The following ELMO1 variants were observed in gnomAD, a reference collection of about 807,000 sequenced individuals.
The protein encoded by ELMO1 is engulfment and cell motility protein 1.
A neutral mutation model predicts 98.9 loss-of-function variants in ELMO1; 26 were observed. The observed-to-expected ratio is 0.26, with a 90% confidence interval of 0.19 to 0.36. The LOEUF is 0.36. ELMO1 is among the 10% of genes least tolerant of loss of function. The pLI, the probability that ELMO1 is intolerant of heterozygous loss-of-function variation, is 1.00. For synonymous variants in ELMO1, 346 were observed against 346.0 expected (o/e 1.00, Z 0.00); for missense variants, 627 against 935.2 (o/e 0.67, Z 4.30).
intron 5 of ELMO1, 46 bp from the exon 6 acceptor site, chr7:37,259,396 C>A: frequency 1.3e-6 from 2 of 1,586,344 alleles, no homozygotes; most frequent in South Asian, 1.1e-5. Flanking sequence ...AACGAAACCA[C>A]AACAGCAAAA....
chr7:37,273,747 T>C (rs1246707179), intron 4 of ELMO1, among the ~76,000 whole-genome samples: 4 of 152,188 alleles, frequency 2.6e-5, no homozygotes, highest in African/African-American at 9.7e-5. Context: ...TCAGGATCAC[T>C]ACCCTGCATA....
chr7:37,395,869 C>T (rs1486890561), intron 1 of ELMO1, among the ~76,000 whole-genome samples: 1 of 152,204 alleles, frequency 6.6e-6, no homozygotes. Context: ...AAAACAAGTG[C>T]ACAGACATTT....
intron 7 of ELMO1, among the ~76,000 whole-genome samples, chr7:37,239,032 AAAT>A (rs890692475): frequency 6.7e-4 from 102 of 152,326 alleles, no homozygotes; most frequent in Middle Eastern, 3.4e-3. Context: ...TGGTATCATA[AAAT>A]AATGAGAACT....
At chr7:37,403,232 C>G (rs1583694740) in intron 1 of ELMO1, among the ~76,000 whole-genome samples, 1 of 152,164 alleles carries the variant, frequency 6.6e-6, no homozygotes, top group Non-Finnish European at 1.5e-5. Context: ...ATATAACATT[C>G]TAGAAAAGGC....
At chr7:36,985,457 TG>T (rs199558617) in intron 16 of ELMO1, among the ~76,000 whole-genome samples, 1 of 152,066 alleles carries the variant, frequency 6.6e-6, no homozygotes, top group African/African-American at 2.4e-5. Flanking sequence ...ATTCCGTGGC[TG>T]GGGGTCTGAA....
intron 16 of ELMO1, among the ~76,000 whole-genome samples, chr7:37,011,484 A>C (rs1385883758): frequency 1.3e-5 from 2 of 152,246 alleles, no homozygotes; most frequent in South Asian, 2.1e-4. Flanking sequence ...CAGAACTTTC[A>C]TAATATTTTC....
At chr7:37,355,872 G>C (rs1377628147) in intron 1 of ELMO1, among the ~76,000 whole-genome samples, 1 of 152,230 alleles carries the variant, frequency 6.6e-6, no homozygotes, top group Non-Finnish European at 1.5e-5. Flanking sequence ...CTTCTGCACA[G>C]AGGGGGATCT....
chr7:37,294,467 T>C (rs966457104), intron 4 of ELMO1, among the ~76,000 whole-genome samples: 1 of 152,052 alleles, frequency 6.6e-6, no homozygotes, highest in African/African-American at 2.4e-5. Flanking sequence ...GAAAAGCTGA[T>C]AATTGCGGGT....
At chr7:37,314,153 C>T (rs533616504) in intron 4 of ELMO1, among the ~76,000 whole-genome samples, 39 of 152,326 alleles carry the variant, frequency 2.6e-4, no homozygotes, top group Admixed American at 9.1e-4. Context: ...GACTCAGTGT[C>T]GTACCTGTTA....
chr7:37,409,100 C>T (rs951972047), intron 1 of ELMO1, among the ~76,000 whole-genome samples: 10 of 146,168 alleles, frequency 6.8e-5, no homozygotes, highest in African/African-American at 2.3e-4. Flanking sequence ...AAAGGTGATC[C>T]GGAAGCTGAC....
chr7:37,349,770 G>C (rs1801175078), intron 1 of ELMO1, among the ~76,000 whole-genome samples: 1 of 152,110 alleles, frequency 6.6e-6, no homozygotes, highest in African/African-American at 2.4e-5. Flanking sequence ...TCACTTTTGA[G>C]AACACCGCCC....
intron 6 of ELMO1, among the ~76,000 whole-genome samples, chr7:37,248,886 C>A (rs1562552822): frequency 6.6e-6 from 1 of 152,168 alleles, no homozygotes; most frequent in Non-Finnish European, 1.5e-5. Flanking sequence ...TGGAGGTTAA[C>A]AAAGTTTCAA....
chr7:37,434,897 ACAG>A (rs894114303), intron 1 of ELMO1, among the ~76,000 whole-genome samples: 5 of 152,108 alleles, frequency 3.3e-5, no homozygotes, highest in African/African-American at 1.2e-4. Context: ...TCCCCCTTCA[ACAG>A]CCCTTAGCAG....
intron 15 of ELMO1, among the ~76,000 whole-genome samples, chr7:37,037,524 C>T (rs1374180232): frequency 6.6e-6 from 1 of 152,178 alleles, no homozygotes; most frequent in Non-Finnish European, 1.5e-5. Context: ...TGCCAGGAAT[C>T]GGGCCATCGG....
intron 2 of ELMO1, among the ~76,000 whole-genome samples, chr7:37,327,331 T>C (rs1212538175): frequency 6.6e-6 from 1 of 152,264 alleles, no homozygotes; most frequent in Admixed American, 6.5e-5. Context: ...TTTATGTGCA[T>C]AGCTTAAAAA....
intron 8 of ELMO1, among the ~76,000 whole-genome samples, chr7:37,225,502 C>T (rs535874573): frequency 3.9e-5 from 6 of 152,266 alleles, no homozygotes; most frequent in African/African-American, 1.2e-4. Flanking sequence ...TTAAGGGACT[C>T]GCACAAATCT....
intron 4 of ELMO1, among the ~76,000 whole-genome samples, chr7:37,304,407 C>T (rs953641670): frequency 3.9e-5 from 6 of 152,002 alleles, no homozygotes; most frequent in African/African-American, 1.4e-4. Flanking sequence ...ACAAGTTGTG[C>T]TTGATGGATT....
chr7:37,288,980 C>T (rs896689297), intron 4 of ELMO1, among the ~76,000 whole-genome samples: 5 of 152,216 alleles, frequency 3.3e-5, no homozygotes. Flanking sequence ...TTCCTCATAG[C>T]TCTTACCTCG....
rs921922535 is a variant in ELMO1, at chr7:37,233,092, T to C, written c.549+3A>G. On this transcript the variant is annotated splice_donor_region_variant and intron_variant, in intron 8 of 21. Coordinates refer to ENST00000310758, the MANE Select transcript of ELMO1 (RefSeq NM_014800.11). ...AAGCCTAAAGAGGCAGAGTCCACCT[T>C]ACCTTCTTAATGAACGCCACCGAAA... The C allele has an allele frequency of 6.2e-7, 1 of 1,612,376 alleles. No individual in the cohort carries two copies. Among genetic ancestry groups the C allele is most frequent in the Non-Finnish European group, 8.5e-7 (1 of 1,179,290 alleles).
Sources: allele counts gnomAD v4.1 joint callset (sites outside exome capture counted in the v4.1 genomes callset), GRCh38; gene constraint gnomAD v4.1.1; transcripts MANE v1.5; gene names NCBI Gene and HGNC (gene_info 2026-07-23, HGNC 2026-07-21).